FADS2: variants seen among roughly 807,000 people sequenced by gnomAD.
FADS2 encodes acyl-CoA 6-desaturase.
FADS2 carries 18 observed loss-of-function variants against 61.2 expected under a neutral mutation model. The observed-to-expected ratio is 0.29, with a 90% CI of 0.20 to 0.44. FADS2 has a LOEUF of 0.44. Ranked by LOEUF, FADS2 falls within the 20% of genes least tolerant of loss-of-function variation. The pLI is 1.00. For synonymous variants in FADS2, 203 were observed against 223.9 expected, an observed-to-expected ratio of 0.91 and a Z score of 0.83; for missense variants, 322 against 572.7, an observed-to-expected ratio of 0.56 and a Z score of 4.47.
At position 61,857,463 on chromosome 11, in the gene FADS2, C is replaced by A; in HGVS notation, c.815C>A (p.Pro272Gln). Residue 272 changes from proline to glutamine, a missense_variant, in exon 7 of 12, where the codon CCG (proline) becomes CAG (glutamine). Physicochemically the swap from Pro to Gln is moderately conservative, Grantham distance 76. This residue lies in a region of FADS2 where 221 missense variants were observed against 427.9 expected (regional missense o/e 0.52). Transcript: ENST00000278840. ...TGTCTCTCTCCTGCAGTTGGGCCGC[C>A]GCTGCTCATCCCCATGTATTTCCAG... is the stretch of plus-strand genomic sequence containing the variant. The part of the protein sequence containing the change: ...QHEYFFLIGP[P>Q]LLIPMYFQYQ... The A allele has an allele frequency of 6.2e-7, 1 of 1,613,992 alleles. No individual in the cohort carries two copies. The highest frequency in any genetic ancestry group is 8.5e-7 in the Non-Finnish European group (1 of 1,179,970).
chr11:61,820,403 T>C (rs1215302206), intron 1 of FADS2, among the ~76,000 whole-genome samples: 1 of 152,120 alleles, frequency 6.6e-6, no homozygotes, highest in African/African-American at 2.4e-5. Flanking sequence ...ATTAAATTCA[T>C]CTTACTCAGG....
intron 1 of FADS2, among the ~76,000 whole-genome samples, chr11:61,820,318 G>T (rs549688228): frequency 8.6e-5 from 13 of 151,996 alleles, no homozygotes; most frequent in African/African-American, 2.7e-4. Flanking sequence ...GTACTATATG[G>T]GTCATGCCTA....
At chr11:61,857,241 G>A (rs2067368000) in intron 6 of FADS2, among the ~76,000 whole-genome samples, 170 bp downstream of exon 6, 2 of 152,144 alleles carry the variant, frequency 1.3e-5, no homozygotes, top group South Asian at 4.1e-4. Context: ...TGTGTTACAG[G>A]CCTGATGGGG....
chr11:61,840,371 C>A lies in FADS2; in HGVS notation c.356C>A (p.Thr119Lys). The A allele has an allele frequency of 1.2e-6, 2 of 1,614,184 alleles. No individual in the cohort carries two copies. Among genetic ancestry groups the A allele is most frequent in the South Asian group, 2.2e-5 (2 of 91,086 alleles). ...GAGGACTTCCGGGCCCTGAGGAAGACGGCTGAGGACATGAACCTGTTCAAG... is the reference window on the plus strand; with the variant it reads ...GAGGACTTCCGGGCCCTGAGGAAGAAGGCTGAGGACATGAACCTGTTCAAG... ...ITEDFRALRK[T>K]AEDMNLFKTN... Residue 119 changes from threonine to lysine, a missense_variant, in exon 3 of 12, where the codon ACG (threonine) becomes AAG (lysine). This residue lies in a region of FADS2 where 221 missense variants were observed against 427.9 expected (regional missense o/e 0.52). Transcript: ENST00000278840.
upstream of FADS2, chr11:61,828,114 C>A: frequency 7.5e-7 from 1 of 1,330,722 alleles, no homozygotes; most frequent in Non-Finnish European, 9.6e-7. This position sits in a 1 kb window ranked among gnomAD's most constrained non-coding sequence, Gnocchi z 6.4. Flanking sequence ...TTACTGGAGG[C>A]AAAAGTCCAT....
At chr11:61,821,572 C>T (rs557187011) in intron 1 of FADS2, 24 of 604,146 alleles carry the variant, frequency 4.0e-5, no homozygotes, top group East Asian at 3.3e-4. Context: ...GAAGCAATAC[C>T]GGTTGTGCTC....
rs1464311403 is a variant in FADS2, at chr11:61,866,629, C to G, written c.*940C>G. The G allele has an allele frequency of 6.6e-6, 1 of 152,446 alleles. No homozygotes were observed. The highest frequency in any genetic ancestry group is 2.1e-4 in the South Asian group (1 of 4,830). 9.4% of individuals were successfully genotyped at this position (152,446 alleles called of 1,614,324 possible). On this transcript the variant is annotated 3_prime_UTR_variant, in exon 12 of 12. Coordinates refer to ENST00000278840, the MANE Select transcript of FADS2 (RefSeq NM_004265.4). ...CCAGCCAATCCCTGGCCATTTGGCC[C>G]CAGGGGACGTGGGCCCTGCAGGCTG...
chr11:61,843,967 A>G (rs2067236286), intron 4 of FADS2, among the ~76,000 whole-genome samples: 1 of 152,030 alleles, frequency 6.6e-6, no homozygotes, highest in Non-Finnish European at 1.5e-5. Context: ...GGCCTGCAAT[A>G]TGTTTTTAAA....
chr11:61,857,193 G>A (rs912256636), intron 6 of FADS2, 122 bp downstream of exon 6: 10 of 896,164 alleles, frequency 1.1e-5, no homozygotes, highest in African/African-American at 3.3e-5. Context: ...TGTTAGAAGC[G>A]GGGGCCACAG....
chr11:61,839,200 C>T (rs1174832534), intron 2 of FADS2, among the ~76,000 whole-genome samples: 9 of 152,100 alleles, frequency 5.9e-5, no homozygotes, highest in Admixed American at 1.3e-4. Context: ...TGCCTCAGCT[C>T]GCCCTCCTGC....
intron 7 of FADS2, among the ~76,000 whole-genome samples, chr11:61,861,629 T>C (rs2067417578): frequency 6.6e-6 from 1 of 152,230 alleles, no homozygotes. Flanking sequence ...CTCCTCACCT[T>C]GAAGGCCACC....
intron 4 of FADS2, among the ~76,000 whole-genome samples, chr11:61,844,339 C>T (rs548787174): frequency 2.8e-5 from 4 of 141,526 alleles, no homozygotes; most frequent in South Asian, 2.3e-4. Flanking sequence ...GGGAGGGTGA[C>T]GCAGGTAGAT....
At chr11:61,860,156 G>T (rs1176627364) in intron 7 of FADS2, among the ~76,000 whole-genome samples, 2 of 152,224 alleles carry the variant, frequency 1.3e-5, no homozygotes, top group African/African-American at 2.4e-5. Context: ...ACTTTTAATT[G>T]TCACAACTTC....
At chr11:61,827,822 G>C (rs954244810), upstream of FADS2, 1 of 159,606 alleles carries the variant, frequency 6.3e-6, no homozygotes, top group Non-Finnish European at 1.3e-5. This position sits in a 1 kb window ranked among gnomAD's most constrained non-coding sequence, Gnocchi z 4.5. Context: ...CCGGAGAGTG[G>C]GGGAGGGAGG....
At chr11:61,846,708 G>A (rs934703774) in intron 4 of FADS2, 3 of 152,208 alleles carry the variant, frequency 2.0e-5, no homozygotes, top group East Asian at 1.9e-4. Context: ...GGCAACTGTC[G>A]AGGGCCATAA....
chr11:61,844,028 T>C lies in FADS2; in HGVS notation c.618+3303T>C, dbSNP rs148727246. Reference sequence around the variant, plus strand: ...CCACAATGAACAAAATATCAAAATTTTAAATAAAGATCAGGATGAACTGAG... The same window carrying C: ...CCACAATGAACAAAATATCAAAATTCTAAATAAAGATCAGGATGAACTGAG... On this transcript the variant is annotated intron_variant, in intron 4 of 11. Transcript: ENST00000278840. Among the ~76,000 whole-genome samples, 430 of 152,226 alleles carry C rather than the reference T, an allele frequency of 2.8e-3. 2 individuals carry two copies. Among genetic ancestry groups the C allele is most frequent in the Middle Eastern group, 0.027 (8 of 294 alleles).
chr11:61,823,584 A>G (rs1307546323), upstream of FADS2, among the ~76,000 whole-genome samples: 1 of 152,176 alleles, frequency 6.6e-6, no homozygotes, highest in East Asian at 1.9e-4. Flanking sequence ...TGGCACGATC[A>G]TGGATCACTG....
chr11:61,865,220 A>T lies in FADS2; in HGVS notation c.1226A>T (p.Lys409Met). The T allele has an allele frequency of 6.2e-7, 1 of 1,613,898 alleles. No homozygotes were observed. The stretch of plus-strand genomic sequence containing the variant: ...CCGCTGGTGAAGTCTCTATGTGCCA[A>T]GCATGGCATTGAATACCAGGAGAAG... ...IAPLVKSLCA[K>M]HGIEYQEKPL... is the part of the protein sequence containing the mutation. Residue 409 changes from lysine to methionine, a missense_variant, in exon 11 of 12, where the codon AAG becomes ATG. Lys to Met is a moderately conservative substitution (Grantham distance 95). Transcript: ENST00000278840. The surrounding 1 kb of genome is among the most constrained non-coding windows in gnomAD (Gnocchi z 4.1).
At chr11:61,851,090 T>G (rs915020116) in intron 5 of FADS2, among the ~76,000 whole-genome samples, 2 of 152,246 alleles carry the variant, frequency 1.3e-5, no homozygotes, top group Admixed American at 1.3e-4. Context: ...ATTGTTATTC[T>G]TCTAGGAAAC....
Sources: allele counts gnomAD v4.1 joint callset (sites outside exome capture counted in the v4.1 genomes callset), GRCh38; gene constraint gnomAD v4.1.1; regional missense constraint gnomAD v4.1.1; non-coding constraint Gnocchi (gnomAD v3.1); transcripts MANE v1.5; gene names NCBI Gene and HGNC (gene_info 2026-07-23, HGNC 2026-07-21).